Variants in GALNT18 observed in about 807,000 individuals in gnomAD.
GALNT18 encodes polypeptide N-acetylgalactosaminyltransferase 18, also known as GalNAc-transferase 18.
GALNT18 carries 44 observed loss-of-function variants against 69.5 expected under a neutral mutation model. The observed-to-expected ratio is 0.63, with a 90% CI of 0.50 to 0.81. The LOEUF (loss-of-function observed/expected upper bound fraction) is 0.81. Among genes scored for constraint, GALNT18 ranks in the 40% least tolerant of loss-of-function variants. GALNT18 has a pLI of 0.00. For missense variants in GALNT18, 715 were observed against 810.0 expected, an observed-to-expected ratio of 0.88 and a Z score of 1.42; for synonymous variants, 364 against 318.2, an observed-to-expected ratio of 1.14 and a Z score of -1.53.
At position 11,292,769 on chromosome 11, in the gene GALNT18, T is replaced by C. The variant is rs1564883167; in HGVS notation, c.1677+260A>G. On this transcript the variant is annotated intron_variant, in intron 10 of 10. Coordinates refer to ENST00000227756, the MANE Select transcript of GALNT18 (RefSeq NM_198516.3). The stretch of plus-strand genomic sequence containing the variant: ...AAAAAGTACAATAATAAAATCATTA[T>C]AATAAAACAACAACAATAATAATAA... 2.6e-5 allele frequency among the ~76,000 whole-genome samples: 4 copies of C among 152,254 alleles called. No homozygotes were observed. The East Asian group carries it at 7.7e-4, about 29-fold the overall frequency.
At chr11:11,528,791 G>A (rs950606812) in intron 1 of GALNT18, among the ~76,000 whole-genome samples, 1 of 152,182 alleles carries the variant, frequency 6.6e-6, no homozygotes, top group African/African-American at 2.4e-5. Context: ...GAAACTGGCA[G>A]GACTCAATTC....
intron 9 of GALNT18, among the ~76,000 whole-genome samples, chr11:11,319,483 T>C (rs1172836407): frequency 1.3e-5 from 2 of 152,106 alleles, no homozygotes; most frequent in African/African-American, 2.4e-5. Flanking sequence ...AAGGAGCAAT[T>C]TGGACACAGA....
chr11:11,554,130 T>C (rs72867180), intron 1 of GALNT18, among the ~76,000 whole-genome samples: 1,854 of 152,324 alleles, frequency 0.012, 13 homozygotes, highest in Non-Finnish European at 0.02. Context: ...TGGCGGCTTC[T>C]TCCCGACTCA....
At chr11:11,279,992 G>A (rs56852780) in intron 10 of GALNT18, among the ~76,000 whole-genome samples, 18,480 of 152,202 alleles carry the variant, frequency 0.12, 1,324 homozygotes, top group South Asian at 0.21. Context: ...GGTGCGGGTG[G>A]AGGGGACTGT....
intron 8 of GALNT18, among the ~76,000 whole-genome samples, chr11:11,328,784 C>T (rs10831587): frequency 0.31 from 47,119 of 152,070 alleles, 8,346 homozygotes; most frequent in Middle Eastern, 0.4. Flanking sequence ...TCTTGTCCTA[C>T]AGCCCATGAA....
intron 2 of GALNT18, among the ~76,000 whole-genome samples, chr11:11,446,038 C>T (rs1325712727): frequency 6.6e-5 from 10 of 152,172 alleles, no homozygotes; most frequent in African/African-American, 2.4e-4. Context: ...CAGCATTGTG[C>T]ACAGTCAAAT....
chr11:11,417,006 C>G (rs61870277), intron 3 of GALNT18, among the ~76,000 whole-genome samples: 12,985 of 152,260 alleles, frequency 0.085, 641 homozygotes, highest in East Asian at 0.15. Flanking sequence ...GCAGCCTGGT[C>G]GGCTTTCTCA....
At position 11,302,706 on chromosome 11, in the gene GALNT18, G is replaced by A. The variant is rs185948361; in HGVS notation, c.1513-9513C>T. On this transcript the variant is annotated intron_variant, in intron 9 of 10. Coordinates refer to ENST00000227756, the MANE Select transcript of GALNT18 (RefSeq NM_198516.3). Reference sequence around the variant, plus strand: ...CAGGGAAAGGATATGCGCAGGATGCGTGCTGCTGGCAGAACAAAATCAGAG... The same window carrying A: ...CAGGGAAAGGATATGCGCAGGATGCATGCTGCTGGCAGAACAAAATCAGAG... 1.7e-4 allele frequency among the ~76,000 whole-genome samples: 26 copies of A among 152,386 alleles called. No homozygotes were observed. In the East Asian group the frequency reaches 3.9e-3, roughly 23 times the overall value.
At position 11,377,178 on chromosome 11, in the gene GALNT18, T is replaced by C. The variant is rs12290003; in HGVS notation, c.977+4A>G. Reference sequence around the variant, plus strand: ...AGAGACCCACAGGTAAAGGTTTGCTTTACCTGATTGGCGCTGTGGAGTTCT... The same window carrying C: ...AGAGACCCACAGGTAAAGGTTTGCTCTACCTGATTGGCGCTGTGGAGTTCT... On this transcript the variant is annotated splice_donor_region_variant and intron_variant, in intron 5 of 10. Transcript: ENST00000227756. The surrounding 1 kb of genome is among the most constrained non-coding windows in gnomAD (Gnocchi z 4.6). 59,066 of 1,612,374 alleles carry C rather than the reference T, an allele frequency of 0.037. 1,452 individuals carry two copies. The highest frequency in any genetic ancestry group is 0.099 in the East Asian group (4,454 of 44,852).
chr11:11,587,309 A>G lies in GALNT18; in HGVS notation c.235+34050T>C, dbSNP rs1356294392. Among the ~76,000 whole-genome samples, 1 of 152,250 alleles carries G rather than the reference A, an allele frequency of 6.6e-6. No individual in the cohort carries two copies. The highest frequency in any genetic ancestry group is 6.5e-5 in the Admixed American group (1 of 15,292). On this transcript the variant is annotated intron_variant, in intron 1 of 10. Transcript: ENST00000227756. This position sits in a 1 kb window ranked among gnomAD's most constrained non-coding sequence, Gnocchi z 4.4. The stretch of plus-strand genomic sequence containing the variant: ...ATTTGAGACTTGGGCTGAAAGGGGA[A>G]GCATTCCACAGAGTTGAGCACTGGC...
In GALNT18 at chr11:11,336,170, G is replaced by A. The variant is rs144613839; in HGVS notation, c.1279-3339C>T. Among the ~76,000 whole-genome samples, 47 of 152,270 alleles carry A rather than the reference G, an allele frequency of 3.1e-4. 1 individual carries two copies. The East Asian group carries it at 8.7e-3, about 28-fold the overall frequency. ...AAGCAGTCTAGAGCTCCTGAACCCT[G>A]CTTAAGAAAATATTGATGTTTTGCT... On this transcript the variant is annotated intron_variant, in intron 7 of 10. Coordinates refer to ENST00000227756, the MANE Select transcript of GALNT18 (RefSeq NM_198516.3).
intron 8 of GALNT18, among the ~76,000 whole-genome samples, chr11:11,329,825 G>C (rs1849988362): frequency 6.6e-6 from 1 of 152,220 alleles, no homozygotes; most frequent in African/African-American, 2.4e-5. Context: ...AAGTGAAAGA[G>C]CTGGTCTGTC....
intron 1 of GALNT18, among the ~76,000 whole-genome samples, chr11:11,455,970 C>T (rs902886438): frequency 4.6e-5 from 7 of 152,060 alleles, no homozygotes; most frequent in Non-Finnish European, 8.8e-5. Flanking sequence ...ACATCTGTAG[C>T]CCCAGCTACT....
rs1264068303 is a variant in GALNT18, at chr11:11,605,797, T to C, written c.235+15562A>G. Reference sequence around the variant, plus strand: ...GTTTTAGTTTGAAAGTGACCACAAGTGACAGCTTTATTAAAATGAAGATGT... The same window carrying C: ...GTTTTAGTTTGAAAGTGACCACAAGCGACAGCTTTATTAAAATGAAGATGT... On this transcript the variant is annotated intron_variant, in intron 1 of 10. Coordinates refer to ENST00000227756, the MANE Select transcript of GALNT18 (RefSeq NM_198516.3). The surrounding 1 kb of genome is among the most constrained non-coding windows in gnomAD (Gnocchi z 4.7). Among the ~76,000 whole-genome samples the C allele has an allele frequency of 1.3e-5, 2 of 152,184 alleles. No homozygotes were observed. The highest frequency in any genetic ancestry group is 1.3e-4 in the Admixed American group (2 of 15,280).
intron 9 of GALNT18, among the ~76,000 whole-genome samples, chr11:11,325,759 T>C (rs554019321): frequency 3.3e-5 from 5 of 152,288 alleles, no homozygotes; most frequent in Admixed American, 6.5e-5. Context: ...TGCCACACCA[T>C]TGTTAACAAT....
rs868579180 is a variant in GALNT18, at chr11:11,412,693, A to G, written c.595+19928T>C. On this transcript the variant is annotated intron_variant, in intron 3 of 10. Coordinates refer to ENST00000227756, the MANE Select transcript of GALNT18 (RefSeq NM_198516.3). The stretch of plus-strand genomic sequence containing the variant: ...ATGCAGTTTTTAAAAGTGTCAAAAC[A>G]TATGTGCATGGACCTTGTAGCAGAT... Among the ~76,000 whole-genome samples the G allele has an allele frequency of 1.7e-4, 26 of 152,352 alleles. No homozygotes were observed. The Middle Eastern group carries it at 0.027, about 159-fold the overall frequency.
intron 3 of GALNT18, among the ~76,000 whole-genome samples, chr11:11,394,866 G>C (rs1405657530): frequency 6.6e-6 from 1 of 152,188 alleles, no homozygotes; most frequent in Non-Finnish European, 1.5e-5. Flanking sequence ...TGAACATTCT[G>C]AGTTAGAGTA....
intron 1 of GALNT18, among the ~76,000 whole-genome samples, chr11:11,449,474 C>A (rs1034352955): frequency 2.0e-5 from 3 of 152,234 alleles, no homozygotes; most frequent in Non-Finnish European, 2.9e-5. Flanking sequence ...TGTCAGCACC[C>A]CGGCCAGACT....
chr11:11,369,001 A>T (rs1459480305), intron 6 of GALNT18, among the ~76,000 whole-genome samples: 2 of 152,214 alleles, frequency 1.3e-5, no homozygotes. Flanking sequence ...CTTTATACTG[A>T]GAAAACAGGC....
Sources: gnomAD v4.1 joint callset for allele counts (sites outside exome capture counted in the v4.1 genomes callset) on GRCh38, gnomAD v4.1.1 for gene constraint, Gnocchi (gnomAD v3.1) non-coding constraint, MANE v1.5 for transcripts, NCBI Gene and HGNC (gene_info 2026-07-23, HGNC 2026-07-21) for gene names.